Variants in HSF5 observed in about 807,000 individuals in gnomAD.
HSF5 encodes the protein heat shock factor protein 5.
A neutral mutation model predicts 50.8 loss-of-function variants in HSF5; 5 were observed. The ratio of observed to expected loss-of-function variants is 0.10; its 90% CI spans 0.05 to 0.21. HSF5 has a LOEUF of 0.21. Ranked by LOEUF, HSF5 falls within the 10% of genes least tolerant of loss-of-function variation. HSF5 has a pLI of 1.00. For synonymous variants in HSF5, 307 were observed against 307.4 expected (o/e 1.00, Z 0.02); for missense variants, 564 against 762.6 (o/e 0.74, Z 3.07).
chr17:58,467,496 G>C (rs1267654485), intron 2 of HSF5, among the ~76,000 whole-genome samples: 1 of 152,236 alleles, frequency 6.6e-6, no homozygotes, highest in African/African-American at 2.4e-5. Context: ...GCAGATCACA[G>C]AGCCAGACTG....
intron 2 of HSF5, among the ~76,000 whole-genome samples, chr17:58,472,760 T>C (rs1429488940): frequency 6.6e-6 from 1 of 152,054 alleles, no homozygotes; most frequent in Non-Finnish European, 1.5e-5. Flanking sequence ...CTATGCTAGG[T>C]GTAGGGGGAT....
rs1974211184 is a variant in HSF5 at position 58,420,254 on chromosome 17, T to C, written c.*2106A>G. 2 of 152,344 alleles carry C rather than the reference T, an allele frequency of 1.3e-5. No homozygotes were observed. The highest frequency in any genetic ancestry group is 1.3e-4 in the Admixed American group (2 of 15,304). The allele number at this position is 152,344 out of a possible 1,614,324, so 9.4% of individuals were successfully genotyped here. A position where few individuals can be genotyped will look rare whatever the true frequency, so the allele number is the denominator to read the frequency against. On this transcript the variant is annotated 3_prime_UTR_variant, in exon 6 of 6. Coordinates refer to ENST00000323777, the MANE Select transcript of HSF5 (RefSeq NM_001080439.3). ...AATACTGAGGTACTAGTCAGGAACCTTGTTAGTTGACTAGTTGTGTCAGAC... is the reference window on the plus strand; with the variant it reads ...AATACTGAGGTACTAGTCAGGAACCCTGTTAGTTGACTAGTTGTGTCAGAC...
At chr17:58,430,096 G>A (rs1974343486) in intron 5 of HSF5, among the ~76,000 whole-genome samples, 1 of 151,850 alleles carries the variant, frequency 6.6e-6, no homozygotes, top group Non-Finnish European at 1.5e-5. Context: ...TTCAGATGGA[G>A]TCTCACTCAT....
intron 5 of HSF5, among the ~76,000 whole-genome samples, chr17:58,435,185 G>T (rs1409732441): frequency 6.6e-6 from 1 of 152,180 alleles, no homozygotes; most frequent in Non-Finnish European, 1.5e-5. Flanking sequence ...AGTGGCTTTG[G>T]AGAATGGGGA....
intron 5 of HSF5, among the ~76,000 whole-genome samples, chr17:58,452,832 A>C (rs1974659466): frequency 6.6e-6 from 1 of 151,796 alleles, no homozygotes; most frequent in African/African-American, 2.4e-5. Context: ...CATGTTCAAC[A>C]GTGAAGTTTA....
chr17:58,480,801 A>ATCTATCTATCTG (rs1567919270), intron 1 of HSF5, among the ~76,000 whole-genome samples: 3 of 151,256 alleles, frequency 2.0e-5, no homozygotes, highest in African/African-American at 7.3e-5. Context: ...CTATCTATCT[A>ATCTATCTATCTG]TCTAGCAACC....
intron 5 of HSF5, among the ~76,000 whole-genome samples, chr17:58,424,207 G>A (rs541554423): frequency 2.0e-5 from 3 of 152,230 alleles, no homozygotes; most frequent in African/African-American, 7.2e-5. Flanking sequence ...ATAATCAGCA[G>A]TATTATTCAC....
At chr17:58,470,694 A>C (rs1412444692) in intron 2 of HSF5, among the ~76,000 whole-genome samples, 1 of 152,136 alleles carries the variant, frequency 6.6e-6, no homozygotes. Flanking sequence ...TTGGGAGGCC[A>C]AGGCAGGCGG....
chr17:58,466,516 T>C (rs376174595), intron 3 of HSF5, among the ~76,000 whole-genome samples: 17 of 152,338 alleles, frequency 1.1e-4, no homozygotes, highest in African/African-American at 4.1e-4. Flanking sequence ...TCAAAATGTG[T>C]CTACGTTAAG....
chr17:58,479,094 G>A (rs908262687), intron 2 of HSF5, among the ~76,000 whole-genome samples: 1 of 151,820 alleles, frequency 6.6e-6, no homozygotes, highest in African/African-American at 2.4e-5. Context: ...ATAACACTGC[G>A]GAGATCCCAC....
At chr17:58,461,212 TCAC>T (rs1007399747) in intron 4 of HSF5, among the ~76,000 whole-genome samples, 1 of 81,700 alleles carries the variant, frequency 1.2e-5, no homozygotes, top group African/African-American at 5.4e-5. Flanking sequence ...AGATTCCATC[TCAC>T]AACAACAACA....
In HSF5 at chr17:58,463,287, G is replaced by C. The variant is rs1261592036; in HGVS notation, c.1037C>G (p.Ser346Cys). 2 of 1,612,542 alleles carry C rather than the reference G, an allele frequency of 1.2e-6. No individual in the cohort carries two copies. Among genetic ancestry groups the C allele is most frequent in the Admixed American group, 3.3e-5 (2 of 59,894 alleles). Residue 346 changes from serine to cysteine, a missense_variant, in exon 4 of 6, where the codon TCC becomes TGC. By Grantham distance (112) the Ser-to-Cys change is moderately radical (BLOSUM62 -1). Coordinates refer to ENST00000323777, the MANE Select transcript of HSF5 (RefSeq NM_001080439.3). Reference protein sequence around the residue: ...CNYFQNPSMQSSYPVEFLPSN... With the variant: ...CNYFQNPSMQCSYPVEFLPSN... The stretch of plus-strand genomic sequence containing the variant: ...AGGCAAAAATTCAACTGGATAGGAG[G>C]ACTGCATTGAAGGATTCTGGGAAAA...
At chr17:58,431,237 G>A (rs915636925) in intron 5 of HSF5, among the ~76,000 whole-genome samples, 2 of 152,104 alleles carry the variant, frequency 1.3e-5, no homozygotes, top group Non-Finnish European at 2.9e-5. Context: ...CCCAGTCTCG[G>A]GTATGTCTTT....
intron 5 of HSF5, among the ~76,000 whole-genome samples, chr17:58,438,517 T>C (rs957044230): frequency 1.3e-5 from 2 of 152,148 alleles, no homozygotes; most frequent in African/African-American, 4.8e-5. Context: ...TGGTGATCTT[T>C]GTTATCCATG....
intron 5 of HSF5, among the ~76,000 whole-genome samples, chr17:58,434,484 G>A (rs1236066490): frequency 6.6e-6 from 1 of 151,594 alleles, no homozygotes; most frequent in Non-Finnish European, 1.5e-5. Context: ...CTGGGAGGCG[G>A]AGGTTGCAGT....
At chr17:58,423,483 C>CTTTTTTT (rs71143245) in intron 5 of HSF5, among the ~76,000 whole-genome samples, 3 of 106,542 alleles carry the variant, frequency 2.8e-5, no homozygotes, top group Non-Finnish European at 3.8e-5. Context: ...GACCAGGGAG[C>CTTTTTTT]TTTTTTTTTT....
chr17:58,447,676 G>T (rs905728666), intron 5 of HSF5, among the ~76,000 whole-genome samples: 1 of 152,172 alleles, frequency 6.6e-6, no homozygotes, highest in Non-Finnish European at 1.5e-5. Flanking sequence ...GTGGGCTTAG[G>T]GTGCCCTCTA....
chr17:58,443,360 T>C (rs1265838078), intron 5 of HSF5, among the ~76,000 whole-genome samples: 1 of 152,170 alleles, frequency 6.6e-6, no homozygotes, highest in Non-Finnish European at 1.5e-5. Flanking sequence ...CAGAGATTTC[T>C]AAGTCCCACC....
In HSF5 at chr17:58,471,344, T is replaced by C. The variant is rs1439373707; in HGVS notation, c.926-4365A>G. On this transcript the variant is annotated intron_variant, in intron 2 of 5. Coordinates refer to ENST00000323777, the MANE Select transcript of HSF5 (RefSeq NM_001080439.3). Reference sequence around the variant, plus strand: ...TTTTCCATAAGCACAAAATCAAGTATTTTCAGAGAAGCAATACAGACTGCC... The same window carrying C: ...TTTTCCATAAGCACAAAATCAAGTACTTTCAGAGAAGCAATACAGACTGCC... 7.2e-5 allele frequency among the ~76,000 whole-genome samples: 11 copies of C among 152,306 alleles called. No individual in the cohort carries two copies. The East Asian group carries it at 2.1e-3, about 29-fold the overall frequency.
Sources: allele counts gnomAD v4.1 joint callset (sites outside exome capture counted in the v4.1 genomes callset), GRCh38; gene constraint gnomAD v4.1.1; transcripts MANE v1.5; gene names NCBI Gene and HGNC (gene_info 2026-07-23, HGNC 2026-07-21).